Variants in ACSM2B observed in about 807,000 individuals in gnomAD.
The protein encoded by ACSM2B is acyl-CoA synthetase medium chain family member 2B, also known as acyl-coenzyme A synthetase ACSM2B, mitochondrial.
ACSM2B carries 58 observed loss-of-function variants against 78.6 expected under a neutral mutation model. The ratio of observed to expected loss-of-function variants is 0.74; its 90% confidence interval spans 0.60 to 0.92. The LOEUF is 0.92. Among genes scored for constraint, ACSM2B ranks in the 40% least tolerant of loss-of-function variants. The pLI is 0.00. For synonymous variants in ACSM2B, 257 were observed against 256.8 expected (o/e 1.00, Z -0.01); for missense variants, 688 against 711.2 (o/e 0.97, Z 0.37).
chr16:20,562,338 G>C (rs2015687053), intron 2 of ACSM2B, among the ~76,000 whole-genome samples: 1 of 152,102 alleles, frequency 6.6e-6, no homozygotes, highest in African/African-American at 2.4e-5. Context: ...TCAGATCATA[G>C]TTTGAGAGTA....
rs771332578 is a variant in ACSM2B, at chr16:20,564,872, A to G, written c.-8-19T>C. On this transcript the variant is annotated intron_variant, in intron 1 of 13. Coordinates refer to ENST00000329697, the MANE Select transcript of ACSM2B (RefSeq NM_001105069.2). ...TTCAGGCCTGTAAAAGAAAGAAGAG[A>G]CACAGGTAAGAGCTTCTTTAACAGA... is the stretch of plus-strand genomic sequence containing the variant. 1.0e-5 allele frequency: 16 copies of G among 1,592,010 alleles called. No homozygotes were observed. The East Asian group carries it at 3.1e-4, about 31-fold the overall frequency.
At chr16:20,542,678 A>G in intron 12 of ACSM2B, 1 of 548,918 alleles carries the variant, frequency 1.8e-6, no homozygotes, top group Admixed American at 3.3e-5. Context: ...CACCATACTT[A>G]AGTACTTTAC....
chr16:20,554,120 T>A (rs2015399326), intron 4 of ACSM2B, 200 bp from the exon 5 acceptor site: 1 of 833,122 alleles, frequency 1.2e-6, no homozygotes, highest in Non-Finnish European at 2.0e-6. Flanking sequence ...AGTTTGGCAC[T>A]TTGTTATCAA....
intron 1 of ACSM2B, among the ~76,000 whole-genome samples, chr16:20,571,466 T>C (rs1227198030): frequency 1.3e-5 from 2 of 151,796 alleles, no homozygotes; most frequent in African/African-American, 4.8e-5. Flanking sequence ...CTCAGATTTA[T>C]TGAGACTTGT....
intron 2 of ACSM2B, among the ~76,000 whole-genome samples, chr16:20,561,434 G>A (rs533246900): frequency 1.9e-4 from 29 of 151,406 alleles, no homozygotes; most frequent in African/African-American, 6.5e-4. Flanking sequence ...GAGAGAGAGC[G>A]TGGGGAAGTG....
chr16:20,575,393 T>A (rs534210417), intron 1 of ACSM2B: 2 of 151,842 alleles, frequency 1.3e-5, no homozygotes, highest in African/African-American at 4.8e-5. Flanking sequence ...ACTGTATATA[T>A]ATATACAGTT....
At chr16:20,548,615 T>A in intron 6 of ACSM2B, 142 bp from the exon 7 acceptor site, 1 of 1,547,040 alleles carries the variant, frequency 6.5e-7, no homozygotes, top group Non-Finnish European at 8.8e-7. Context: ...CTGATTCAAG[T>A]TAAATGAGCC....
chr16:20,558,214 A>C (rs1239395651), intron 3 of ACSM2B, among the ~76,000 whole-genome samples: 1 of 152,114 alleles, frequency 6.6e-6, no homozygotes, highest in East Asian at 1.9e-4. Flanking sequence ...TGCACTACCC[A>C]GATCAGTAAC....
rs766528681 is a variant in ACSM2B at position 20,559,340 on chromosome 16, G to T, written c.285C>A (p.Asn95Lys). 3 of 1,606,870 alleles carry T rather than the reference G, an allele frequency of 1.9e-6. No homozygotes were observed. The highest frequency in any genetic ancestry group is 4.5e-5 in the East Asian group (2 of 44,642). Residue 95 changes from asparagine (N) to lysine (K), a missense_variant, in exon 3 of 14, where the codon AAC becomes AAA. Coordinates refer to ENST00000329697, the MANE Select transcript of ACSM2B (RefSeq NM_001105069.2). ...GCAGGCCACAGGCTCCCGAGAGGATGTTGGCTGCCTGCTGGCTGTTTTCAC... is the reference window on the plus strand; with the variant it reads ...GCAGGCCACAGGCTCCCGAGAGGATTTTGGCTGCCTGCTGGCTGTTTTCAC... The part of the protein sequence containing the change: ...ELSENSQQAA[N>K]ILSGACGLQR...
In ACSM2B at chr16:20,537,132, G is replaced by T. The variant is rs1204512991; in HGVS notation, c.*126C>A. 4 of 1,166,150 alleles carry T rather than the reference G, an allele frequency of 3.4e-6. No homozygotes were observed. The highest frequency in any genetic ancestry group is 2.4e-5 in the East Asian group (1 of 42,402). 72.2% of individuals were successfully genotyped at this position (1,166,150 alleles called of 1,614,324 possible). ...AGTAATGTTTTGTGCTAATAACCAG[G>T]GCAAGACAAAACTTACATTCATGTT... On this transcript the variant is annotated 3_prime_UTR_variant, in exon 14 of 14. Transcript: ENST00000329697.
chr16:20,574,195 T>G (rs999761105), intron 1 of ACSM2B: 1 of 152,002 alleles, frequency 6.6e-6, no homozygotes, highest in Admixed American at 6.6e-5. Context: ...CATCCTTCTA[T>G]AGGCTTTCTG....
At chr16:20,560,650 T>C (rs116326506) in intron 2 of ACSM2B, among the ~76,000 whole-genome samples, 2,461 of 152,080 alleles carry the variant, frequency 0.016, 70 homozygotes, top group African/African-American at 0.056. Flanking sequence ...ATACAGAAAA[T>C]TGGTACCAGA....
chr16:20,568,190 A>C (rs1567219836), intron 1 of ACSM2B, among the ~76,000 whole-genome samples: 3 of 143,692 alleles, frequency 2.1e-5, no homozygotes, highest in South Asian at 4.2e-4. Context: ...TATTATATAT[A>C]TTATATAAAA....
At chr16:20,560,031 G>T (rs28866262) in intron 2 of ACSM2B, among the ~76,000 whole-genome samples, 1 of 150,696 alleles carries the variant, frequency 6.6e-6, no homozygotes. Context: ...AACATTTCCA[G>T]TTTTAACTAT....
intron 7 of ACSM2B, 90 bp downstream of exon 7, chr16:20,548,304 C>G (rs1445355816): frequency 5.0e-6 from 8 of 1,604,064 alleles, no homozygotes; most frequent in African/African-American, 2.7e-5. Context: ...TCTCTGTGTG[C>G]GAGAGATTCA....
chr16:20,566,042 A>T (rs1282425720), intron 1 of ACSM2B, among the ~76,000 whole-genome samples: 2 of 149,100 alleles, frequency 1.3e-5, no homozygotes, highest in Non-Finnish European at 3.0e-5. Context: ...ATATACATAT[A>T]TGCATACTAT....
chr16:20,566,659 T>TTATATATATA (rs374224028), intron 1 of ACSM2B, among the ~76,000 whole-genome samples: 1 of 4,862 alleles, frequency 2.1e-4, no homozygotes, highest in African/African-American at 6.1e-4. Flanking sequence ...ACTATATATA[T>TTATATATATA]GTATATATAG....
intron 1 of ACSM2B, among the ~76,000 whole-genome samples, chr16:20,566,391 A>T (rs1464789018): frequency 7.6e-6 from 1 of 132,290 alleles, no homozygotes; most frequent in Non-Finnish European, 1.6e-5. Flanking sequence ...ATACTACATT[A>T]TATGTGGATA....
Position 20,540,538 on chromosome 16 carries a change from C to T in ACSM2B, c.1629+116G>A, listed in dbSNP as rs567951060. On this transcript the variant is annotated intron_variant, in intron 13 of 13. Coordinates refer to ENST00000329697, the MANE Select transcript of ACSM2B (RefSeq NM_001105069.2). The stretch of plus-strand genomic sequence containing the variant: ...GATTGCAGGTGTCAGCCACCATGTC[C>T]GGCCCAGGAAGACTTTTTAAAATTA... The T allele has an allele frequency of 1.1e-3, 1,630 of 1,505,620 alleles. 5 individuals carry two copies. The highest frequency in any genetic ancestry group is 1.4e-3 in the Non-Finnish European group (1,524 of 1,118,358). The allele number at this position is 1,505,620 out of a possible 1,614,324, so 93.3% of individuals were successfully genotyped here. A position where few individuals can be genotyped will look rare whatever the true frequency, so the allele number is the denominator to read the frequency against.
Sources: allele counts gnomAD v4.1 joint callset (sites outside exome capture counted in the v4.1 genomes callset), GRCh38; gene constraint gnomAD v4.1.1; transcripts MANE v1.5; gene names NCBI Gene and HGNC (gene_info 2026-07-23, HGNC 2026-07-21).